The following TMEM232 variants were observed in gnomAD, a reference collection of about 807,000 sequenced individuals.
TMEM232 encodes transmembrane protein 232.
In TMEM232, 80 loss-of-function variants were observed where a neutral mutation model predicts 78.8. The observed-to-expected ratio is 1.01, with a 90% CI of 0.85 to 1.22. The LOEUF is 1.22. Among genes scored for constraint, TMEM232 ranks in the 50% most tolerant of loss-of-function variants. TMEM232 has a pLI of 0.00. For synonymous variants in TMEM232, 297 were observed against 254.3 expected (o/e 1.17, Z -1.60); for missense variants, 881 against 742.2 (o/e 1.19, Z -2.17).
In TMEM232 at chr5:110,618,555, T is replaced by C; in HGVS notation, c.776A>G (p.Tyr259Cys). ...YENTDSDMGGYEINHLLWHCV... is the reference protein window; with the variant it reads ...YENTDSDMGGCEINHLLWHCV... ...GTGCCAGAGCAGGTGGTTAATTTCA[T>C]ATCCTCCCTGATTAAATTGCAAATG... Residue 259 changes from tyrosine (Y) to cysteine (C), a missense_variant, in exon 8 of 14, where the codon TAT becomes TGT. Coordinates refer to ENST00000455884, the MANE Select transcript of TMEM232 (RefSeq NM_001039763.4). 6.5e-7 allele frequency: 1 copy of C among 1,546,740 alleles called. No homozygotes were observed. The highest frequency in any genetic ancestry group is 8.7e-7 in the Non-Finnish European group (1 of 1,145,642).
At chr5:110,506,375 A>G (rs1157351366) in intron 12 of TMEM232, among the ~76,000 whole-genome samples, 1 of 152,126 alleles carries the variant, frequency 6.6e-6, no homozygotes, top group East Asian at 1.9e-4. Context: ...AATATATTTT[A>G]TGGTTAATTT....
intron 12 of TMEM232, among the ~76,000 whole-genome samples, chr5:110,450,624 G>A (rs905740050): frequency 6.6e-6 from 1 of 152,076 alleles, no homozygotes; most frequent in African/African-American, 2.4e-5. Flanking sequence ...ATCAAAACAG[G>A]TGTCAGGCAG....
At chr5:110,667,152 AT>A (rs893898371) in intron 2 of TMEM232, 75 bp downstream of exon 2, 889 of 1,165,460 alleles carry the variant, frequency 7.6e-4, no homozygotes, top group Middle Eastern at 1.5e-3. Flanking sequence ...CTATGGGTGA[AT>A]TTTTTTTTTC....
chr5:110,414,265 C>G (rs1049017368), intron 2 of TMEM232, among the ~76,000 whole-genome samples: 1 of 152,104 alleles, frequency 6.6e-6, no homozygotes, highest in African/African-American at 2.4e-5. Context: ...CATACAAGTG[C>G]ATTATTTTTA....
At chr5:110,428,195 TG>T (rs1336266181) in intron 12 of TMEM232, among the ~76,000 whole-genome samples, 2 of 151,756 alleles carry the variant, frequency 1.3e-5, no homozygotes, top group African/African-American at 4.8e-5. Context: ...TGAGTTCAAT[TG>T]TTTTGATAGC....
At chr5:110,648,560 GTTCT>G (rs1367841402) in intron 2 of TMEM232, among the ~76,000 whole-genome samples, 1 of 151,936 alleles carries the variant, frequency 6.6e-6, no homozygotes, top group African/African-American at 2.4e-5. Context: ...GAAGCAAAAT[GTTCT>G]TTCTTTTTAT....
At chr5:110,416,834 G>A (rs1756234612), downstream of TMEM232, among the ~76,000 whole-genome samples, 2 of 152,092 alleles carry the variant, frequency 1.3e-5, no homozygotes, top group Non-Finnish European at 2.9e-5. Flanking sequence ...ATCAATGCAT[G>A]AGTCAAGATA....
chr5:110,636,522 A>C (rs912958618), intron 5 of TMEM232, among the ~76,000 whole-genome samples: 3 of 152,070 alleles, frequency 2.0e-5, no homozygotes, highest in African/African-American at 7.2e-5. Flanking sequence ...CATGTACTTC[A>C]TAAATATTTA....
intron 11 of TMEM232, among the ~76,000 whole-genome samples, chr5:110,565,762 T>C (rs1396701211): frequency 6.6e-6 from 1 of 151,974 alleles, no homozygotes; most frequent in Non-Finnish European, 1.5e-5. Flanking sequence ...CACAGGTTAG[T>C]GTGTCAATAA....
At chr5:110,529,281 T>A (rs1771075051) in intron 11 of TMEM232, among the ~76,000 whole-genome samples, 1 of 152,126 alleles carries the variant, frequency 6.6e-6, no homozygotes, top group African/African-American at 2.4e-5. Context: ...AGTCTTGCTG[T>A]GTCTCCCAGA....
At chr5:110,532,091 C>T (rs1771578585) in intron 11 of TMEM232, among the ~76,000 whole-genome samples, 1 of 152,130 alleles carries the variant, frequency 6.6e-6, no homozygotes, top group African/African-American at 2.4e-5. Flanking sequence ...CCTCCAGAAC[C>T]TCCTCCCCCA....
intron 2 of TMEM232, among the ~76,000 whole-genome samples, chr5:110,648,262 G>T (rs772211475): frequency 3.3e-5 from 5 of 152,054 alleles, no homozygotes; most frequent in Admixed American, 6.6e-5. Flanking sequence ...AGAAATTGAA[G>T]AGAATATGGA....
chr5:110,490,146 A>AAAG (rs1337946952), intron 12 of TMEM232, among the ~76,000 whole-genome samples: 2 of 126,348 alleles, frequency 1.6e-5, no homozygotes, highest in Admixed American at 7.4e-5. Context: ...AGAAAGAAAG[A>AAAG]AAGAAAGAAA....
At chr5:110,649,405 A>C (rs1446094362) in intron 2 of TMEM232, among the ~76,000 whole-genome samples, 1 of 152,134 alleles carries the variant, frequency 6.6e-6, no homozygotes. Context: ...CATTATATTT[A>C]TGTTCATATA....
chr5:110,536,101 G>A (rs1397648840), intron 11 of TMEM232, among the ~76,000 whole-genome samples: 1 of 152,146 alleles, frequency 6.6e-6, no homozygotes, highest in Non-Finnish European at 1.5e-5. Flanking sequence ...ATACAGGGGA[G>A]TCTTTTGTTC....
intron 2 of TMEM232, among the ~76,000 whole-genome samples, chr5:110,731,746 T>C (rs1267939021): frequency 6.6e-6 from 1 of 152,208 alleles, no homozygotes; most frequent in African/African-American, 2.4e-5. Flanking sequence ...CCTGGGCCTC[T>C]AGGCCTGTGA....
At chr5:110,638,606 AGAC>A (rs1377078206) in intron 4 of TMEM232, among the ~76,000 whole-genome samples, 6 of 152,172 alleles carry the variant, frequency 3.9e-5, no homozygotes, top group African/African-American at 1.4e-4. Context: ...GTGACTTCTA[AGAC>A]TGAATCAGAA....
At chr5:110,732,879 A>C (rs1798812263) in intron 2 of TMEM232, among the ~76,000 whole-genome samples, 1 of 152,236 alleles carries the variant, frequency 6.6e-6, no homozygotes, top group Non-Finnish European at 1.5e-5. Flanking sequence ...AGCAGAGAAA[A>C]CAGACAACAT....
intron 11 of TMEM232, among the ~76,000 whole-genome samples, chr5:110,562,098 A>T (rs1277676704): frequency 1.3e-5 from 2 of 152,116 alleles, no homozygotes; most frequent in South Asian, 2.1e-4. Context: ...TTCATTATTT[A>T]AAAAAGTTAT....
Sources: allele counts gnomAD v4.1 joint callset (sites outside exome capture counted in the v4.1 genomes callset), GRCh38; gene constraint gnomAD v4.1.1; transcripts MANE v1.5; gene names NCBI Gene and HGNC (gene_info 2026-07-23, HGNC 2026-07-21).